Variants in SAMMSON observed in about 807,000 individuals in gnomAD.
SAMMSON encodes survival associated mitochondrial melanoma specific oncogenic non-coding RNA.
At chr3:70,338,932 C>T (rs1413447447) in intron 7 of SAMMSON, among the ~76,000 whole-genome samples, 1 of 152,158 alleles carries the variant, frequency 6.6e-6, no homozygotes, top group East Asian at 1.9e-4. Context: ...AAAAAAGAGC[C>T]TGCATTGCCA....
intron 7 of SAMMSON, among the ~76,000 whole-genome samples, chr3:70,326,223 A>C (rs1219998012): frequency 6.6e-6 from 1 of 151,736 alleles, no homozygotes; most frequent in African/African-American, 2.4e-5. Flanking sequence ...GAGTGTAACA[A>C]TTGCAAATTG....
At chr3:70,285,931 T>G (rs11927061) in intron 6 of SAMMSON, among the ~76,000 whole-genome samples, 32,462 of 150,378 alleles carry the variant, frequency 0.22, 3,655 homozygotes, top group African/African-American at 0.29. Flanking sequence ...TAAATTTGTT[T>G]GAGTTCATTG....
At chr3:70,268,441 C>T (rs1701943849) in intron 6 of SAMMSON, among the ~76,000 whole-genome samples, 1 of 143,830 alleles carries the variant, frequency 7.0e-6, no homozygotes, top group Admixed American at 7.4e-5. Context: ...CATCACTGCA[C>T]TCCAGCCTGG....
intron 4 of SAMMSON, among the ~76,000 whole-genome samples, chr3:70,096,847 A>G (rs1248441277): frequency 6.6e-6 from 1 of 152,150 alleles, no homozygotes; most frequent in Non-Finnish European, 1.5e-5. Context: ...GTTCTGTGTA[A>G]CCCTAAAGAA....
chr3:70,279,334 C>T (rs533957012), intron 6 of SAMMSON, among the ~76,000 whole-genome samples: 2 of 152,142 alleles, frequency 1.3e-5, no homozygotes, highest in East Asian at 3.9e-4. Context: ...GGTGATACAG[C>T]TAAGATTTGA....
At chr3:70,176,412 C>T (rs147879219) in intron 4 of SAMMSON, among the ~76,000 whole-genome samples, 512 of 152,280 alleles carry the variant, frequency 3.4e-3, no homozygotes, top group African/African-American at 0.011. Context: ...TATGAGATGA[C>T]ATCATCATTT....
intron 3 of SAMMSON, among the ~76,000 whole-genome samples, chr3:70,050,830 T>C (rs1003187272): frequency 6.6e-6 from 1 of 151,908 alleles, no homozygotes; most frequent in African/African-American, 2.4e-5. Flanking sequence ...CAGTGGGTGC[T>C]GTTTTCAAGA....
At chr3:70,188,013 T>C (rs1701105226) in intron 4 of SAMMSON, among the ~76,000 whole-genome samples, 1 of 152,110 alleles carries the variant, frequency 6.6e-6, no homozygotes. Context: ...CACCCCACCT[T>C]TCCCCTGGGG....
intron 4 of SAMMSON, among the ~76,000 whole-genome samples, chr3:70,136,558 G>A (rs929845556): frequency 4.6e-5 from 7 of 152,174 alleles, no homozygotes; most frequent in African/African-American, 1.7e-4. Flanking sequence ...ACAGCTGAAC[G>A]GTTCTTGAAT....
At chr3:70,205,516 T>A (rs1701281403) in intron 4 of SAMMSON, 1 of 152,150 alleles carries the variant, frequency 6.6e-6, no homozygotes, top group Admixed American at 6.6e-5. Context: ...GAGTACCTTC[T>A]GTGTACCAAC....
chr3:70,385,933 T>C (rs1703120161), intron 9 of SAMMSON, among the ~76,000 whole-genome samples: 1 of 152,034 alleles, frequency 6.6e-6, no homozygotes, highest in Non-Finnish European at 1.5e-5. Context: ...TCCAACAGTG[T>C]TTTTCCATCC....
At chr3:70,141,338 C>T (rs909118892) in intron 4 of SAMMSON, among the ~76,000 whole-genome samples, 2 of 152,162 alleles carry the variant, frequency 1.3e-5, no homozygotes, top group Non-Finnish European at 2.9e-5. Flanking sequence ...GTCTGAGAAC[C>T]AGGAGTACCA....
chr3:70,058,048 A>G (rs2067174426), intron 3 of SAMMSON, among the ~76,000 whole-genome samples: 1 of 152,078 alleles, frequency 6.6e-6, no homozygotes, highest in South Asian at 2.1e-4. Flanking sequence ...AATTAGTCAA[A>G]ATATCTCTTC....
chr3:70,169,569 G>A (rs1045958905), intron 4 of SAMMSON, among the ~76,000 whole-genome samples: 2 of 151,772 alleles, frequency 1.3e-5, no homozygotes, highest in African/African-American at 2.4e-5. Context: ...CATGGCGAAG[G>A]TTCCTTGCTT....
At chr3:70,197,584 G>A (rs1474739980) in intron 4 of SAMMSON, among the ~76,000 whole-genome samples, 2 of 152,230 alleles carry the variant, frequency 1.3e-5, no homozygotes, top group Non-Finnish European at 2.9e-5. Context: ...TAGGATTGGG[G>A]ACAAGGAGAG....
intron 2 of SAMMSON, among the ~76,000 whole-genome samples, chr3:70,396,271 A>G (rs1701092656): frequency 1.3e-5 from 2 of 152,248 alleles, no homozygotes; most frequent in Admixed American, 1.3e-4. Context: ...ATGAAATACT[A>G]TTAACATACA....
chr3:70,060,462 T>C (rs1318883080), intron 3 of SAMMSON, among the ~76,000 whole-genome samples: 1 of 152,108 alleles, frequency 6.6e-6, no homozygotes. Context: ...TCATATACAA[T>C]AACTTTTAGT....
At chr3:70,077,905 G>A (rs1358670097) in intron 4 of SAMMSON, among the ~76,000 whole-genome samples, 1 of 152,150 alleles carries the variant, frequency 6.6e-6, no homozygotes, top group African/African-American at 2.4e-5. Context: ...CTTAGCAACT[G>A]CCAGTCTTCT....
At chr3:70,376,133 ATAT>A (rs1703012575) in intron 9 of SAMMSON, among the ~76,000 whole-genome samples, 1 of 152,224 alleles carries the variant, frequency 6.6e-6, no homozygotes, top group African/African-American at 2.4e-5. Context: ...AAGAAGATAC[ATAT>A]TGTAAGATGA....
Sources: allele counts gnomAD v4.1 joint callset (sites outside exome capture counted in the v4.1 genomes callset), GRCh38; gene constraint gnomAD v4.1.1; transcripts MANE v1.5; gene names NCBI Gene and HGNC (gene_info 2026-07-23, HGNC 2026-07-21).